The following ALPL variants were observed in gnomAD, a reference collection of about 807,000 sequenced individuals.
The protein encoded by ALPL is alkaline phosphatase, biomineralization associated, also known as alkaline phosphatase, tissue-nonspecific isozyme.
A neutral mutation model predicts 51.3 loss-of-function variants in ALPL; 42 were observed. The observed-to-expected ratio is 0.82, with a 90% CI of 0.64 to 1.06. The LOEUF (loss-of-function observed/expected upper bound fraction) is 1.06, where lower values mean the gene tolerates loss of function less well. Ranked by LOEUF, ALPL falls within the 50% of genes least tolerant of loss-of-function variation. ALPL has a pLI of 0.00. For missense variants in ALPL, 589 were observed against 709.4 expected (o/e 0.83, Z 1.93); for synonymous variants, 279 against 296.4 (o/e 0.94, Z 0.60).
chr1:21,561,315 C>A, intron 4 of ALPL, 103 bp downstream of exon 4: 1 of 1,019,414 alleles, frequency 9.8e-7, no homozygotes, highest in Non-Finnish European at 1.5e-6. Context: ...CCTGAGCCCC[C>A]TCCATGCCCA....
intron 1 of ALPL, among the ~76,000 whole-genome samples, chr1:21,542,125 G>A (rs1463128959): frequency 6.6e-6 from 1 of 152,188 alleles, no homozygotes; most frequent in Non-Finnish European, 1.5e-5. Context: ...GAGATGCTGG[G>A]CTTGGCGGAG....
chr1:21,541,997 T>A (rs535999284), intron 1 of ALPL, among the ~76,000 whole-genome samples: 2 of 152,328 alleles, frequency 1.3e-5, no homozygotes, highest in Admixed American at 6.5e-5. Flanking sequence ...GGATCTGACC[T>A]GCAGCCCACT....
In ALPL at chr1:21,564,871, G is replaced by A. The variant is rs771172048; in HGVS notation, c.648+655G>A. On this transcript the variant is annotated intron_variant, in intron 6 of 11. Transcript: ENST00000374840. This position sits in a 1 kb window ranked among gnomAD's most constrained non-coding sequence, Gnocchi z 5.8. ...GTGCCCAGAAGGTGGTGGCACTTAC[G>A]CAGGAGCCACATGTCCTTGCCCTGA... Among the ~76,000 whole-genome samples the A allele has an allele frequency of 2.0e-5, 3 of 152,202 alleles. No individual in the cohort carries two copies. Among genetic ancestry groups the A allele is most frequent in the East Asian group, 3.9e-4 (2 of 5,194 alleles).
At chr1:21,571,027 G>T (rs899281975) in intron 8 of ALPL, among the ~76,000 whole-genome samples, 17 of 152,208 alleles carry the variant, frequency 1.1e-4, no homozygotes, top group Non-Finnish European at 2.2e-4. Flanking sequence ...GCACCTGGTG[G>T]GTCCTCCAGA....
At chr1:21,561,666 CTTTTT>C (rs11296484) in intron 4 of ALPL, among the ~76,000 whole-genome samples, 11 of 112,384 alleles carry the variant, frequency 9.8e-5, no homozygotes, top group African/African-American at 1.0e-4. Flanking sequence ...CTATATATGC[CTTTTT>C]TTTTTTTTTT....
At position 21,533,897 on chromosome 1, in the gene ALPL, TGG is replaced by T. The variant is rs1486053154; in HGVS notation, c.-104-20079_-104-20078del. On this transcript the variant is annotated intron_variant, in intron 1 of 11. Transcript: ENST00000374840. ...GAGATCGTGCCATTTCACTCTGGCC[TGG>T]GTGACAAGAGTAAAACTCTTGTCTC... Among the ~76,000 whole-genome samples the T allele has an allele frequency of 2.9e-5, 4 of 135,850 alleles. No individual in the cohort carries two copies. The East Asian group carries it at 8.2e-4, about 28-fold the overall frequency. 89.1% of individuals were successfully genotyped at this position (135,850 alleles called of 152,430 possible).
chr1:21,512,731 A>G (rs1331760582), intron 1 of ALPL, among the ~76,000 whole-genome samples: 1 of 150,760 alleles, frequency 6.6e-6, no homozygotes, highest in African/African-American at 2.4e-5. Flanking sequence ...CCAGCTCCCA[A>G]CCCCCCCGCC....
intron 2 of ALPL, among the ~76,000 whole-genome samples, chr1:21,555,637 C>T (rs950686740): frequency 5.3e-5 from 8 of 152,208 alleles, no homozygotes; most frequent in South Asian, 2.1e-4. Flanking sequence ...AGGCTGATCT[C>T]GAACTCCTGA....
chr1:21,560,555 G>C, intron 2 of ALPL, 71 bp from the exon 3 acceptor site: 2 of 1,588,124 alleles, frequency 1.3e-6, no homozygotes, highest in Non-Finnish European at 1.7e-6. Flanking sequence ...ATCAGAAGTG[G>C]GGGGATCTGT....
rs201272867 is a variant in ALPL, at chr1:21,575,935, C to A, written c.1189+11C>A. On this transcript the variant is annotated intron_variant, in intron 10 of 11. Transcript: ENST00000374840. The stretch of plus-strand genomic sequence containing the variant: ...GCAACTCTATCTTTGGTAGGTGGGC[C>A]TTCTTTGGGGTGGACACTCCTGGGG... 6.2e-7 allele frequency: 1 copy of A among 1,614,058 alleles called. No homozygotes were observed. Among genetic ancestry groups the A allele is most frequent in the East Asian group, 2.2e-5 (1 of 44,890 alleles).
intron 1 of ALPL, among the ~76,000 whole-genome samples, chr1:21,514,429 A>G (rs959479017): frequency 8.5e-5 from 13 of 152,226 alleles, no homozygotes; most frequent in Non-Finnish European, 1.5e-4. Context: ...CTTCTCAGAC[A>G]GGAAACACGA....
intron 1 of ALPL, among the ~76,000 whole-genome samples, chr1:21,513,051 C>T (rs1643722769): frequency 1.3e-5 from 2 of 151,744 alleles, no homozygotes; most frequent in African/African-American, 4.8e-5. Context: ...GGTGTGGACT[C>T]GCCCTCTCTA....
At chr1:21,549,831 A>T (rs1449867974) in intron 1 of ALPL, among the ~76,000 whole-genome samples, 1 of 152,202 alleles carries the variant, frequency 6.6e-6, no homozygotes, top group African/African-American at 2.4e-5. Context: ...CTTAGGTATA[A>T]ATCTGGATTC....
At chr1:21,565,739 C>A (rs557450433) in intron 6 of ALPL, among the ~76,000 whole-genome samples, 1 of 151,624 alleles carries the variant, frequency 6.6e-6, no homozygotes, top group Admixed American at 6.6e-5. Flanking sequence ...CCTGCCTCTC[C>A]GTCACCACCC....
chr1:21,568,001 CA>C (rs1644590715), intron 6 of ALPL, 102 bp from the exon 7 acceptor site: 3 of 1,531,930 alleles, frequency 2.0e-6, no homozygotes, highest in South Asian at 2.3e-5. Context: ...AAAGTGTCCA[CA>C]CCATCTCCAG....
chr1:21,515,213 T>C (rs910840554), intron 1 of ALPL, among the ~76,000 whole-genome samples: 3 of 152,170 alleles, frequency 2.0e-5, no homozygotes, highest in East Asian at 3.9e-4. Flanking sequence ...CTGAAGCAAA[T>C]TGCTTTTACT....
intron 1 of ALPL, among the ~76,000 whole-genome samples, chr1:21,522,140 C>T (rs1240956502): frequency 2.7e-5 from 4 of 150,220 alleles, no homozygotes; most frequent in Middle Eastern, 3.4e-3. Context: ...GGCGCAATCT[C>T]GGCTCACTAC....
chr1:21,513,860 T>G (rs572950993), intron 1 of ALPL, among the ~76,000 whole-genome samples: 1 of 152,338 alleles, frequency 6.6e-6, no homozygotes, highest in South Asian at 2.1e-4. Flanking sequence ...CTGGAGCTGA[T>G]TAGCAGCTGC....
At chr1:21,550,684 G>A (rs1158190276) in intron 1 of ALPL, among the ~76,000 whole-genome samples, 1 of 152,028 alleles carries the variant, frequency 6.6e-6, no homozygotes, top group Non-Finnish European at 1.5e-5. Context: ...CAGCACCCCA[G>A]CAGCCCGTTC....
Sources: allele counts gnomAD v4.1 joint callset (sites outside exome capture counted in the v4.1 genomes callset), GRCh38; gene constraint gnomAD v4.1.1; non-coding constraint Gnocchi (gnomAD v3.1); transcripts MANE v1.5; gene names NCBI Gene and HGNC (gene_info 2026-07-23, HGNC 2026-07-21).